KCNC2: variants seen among roughly 807,000 people sequenced by gnomAD.
The protein encoded by KCNC2 is potassium voltage-gated channel subfamily C member 2.
A neutral mutation model predicts 44.5 loss-of-function variants in KCNC2; 21 were observed. That is an observed-to-expected ratio of 0.47 (90% CI 0.33 to 0.68). The LOEUF (loss-of-function observed/expected upper bound fraction) is 0.68. KCNC2 is among the 30% of genes least tolerant of loss of function. The pLI, the probability that KCNC2 is intolerant of heterozygous loss-of-function variation, is 0.01. For missense variants in KCNC2, 589 were observed against 826.2 expected (o/e 0.71, Z 3.52); for synonymous variants, 391 against 339.1 (o/e 1.15, Z -1.68).
intron 2 of KCNC2, among the ~76,000 whole-genome samples, chr12:75,192,945 G>C (rs1266015310): frequency 3.3e-5 from 5 of 152,070 alleles, no homozygotes; most frequent in Non-Finnish European, 5.9e-5. Flanking sequence ...TGTGAGGTGA[G>C]AAATTTATTC....
At chr12:75,160,781 A>G (rs1308465091) in intron 2 of KCNC2, among the ~76,000 whole-genome samples, 1 of 151,862 alleles carries the variant, frequency 6.6e-6, no homozygotes, top group Admixed American at 6.6e-5. Flanking sequence ...TAAGAGGAAT[A>G]CAAGTATTTA....
At chr12:75,061,611 AC>A (rs1269793949) in intron 2 of KCNC2, among the ~76,000 whole-genome samples, 1 of 125,652 alleles carries the variant, frequency 8.0e-6, no homozygotes, top group East Asian at 2.4e-4. Flanking sequence ...ACACACACAC[AC>A]AAAACACAGA....
At chr12:75,106,488 G>T (rs969898901) in intron 2 of KCNC2, among the ~76,000 whole-genome samples, 1 of 152,154 alleles carries the variant, frequency 6.6e-6, no homozygotes, top group African/African-American at 2.4e-5. Context: ...CTAAGGAAAT[G>T]AGATGAATAG....
intron 2 of KCNC2, among the ~76,000 whole-genome samples, chr12:75,195,089 T>G (rs1345647544): frequency 6.6e-6 from 1 of 152,170 alleles, no homozygotes; most frequent in East Asian, 1.9e-4. Flanking sequence ...AGCTTTGGAA[T>G]CCACATGGAT....
At chr12:75,069,230 G>A (rs1263141553) in intron 2 of KCNC2, among the ~76,000 whole-genome samples, 1 of 129,554 alleles carries the variant, frequency 7.7e-6, no homozygotes, top group Non-Finnish European at 1.6e-5. Context: ...CACCTCCAAG[G>A]TTCAAGCGAT....
At chr12:75,109,740 C>T (rs1046249277) in intron 2 of KCNC2, among the ~76,000 whole-genome samples, 29 of 151,936 alleles carry the variant, frequency 1.9e-4, no homozygotes, top group African/African-American at 6.5e-4. Flanking sequence ...AAAAAGGCCA[C>T]GGAACCCAGA....
At chr12:75,115,583 T>C (rs1217571784) in intron 2 of KCNC2, among the ~76,000 whole-genome samples, 2 of 152,240 alleles carry the variant, frequency 1.3e-5, no homozygotes, top group African/African-American at 4.8e-5. Context: ...CCAGGAATTC[T>C]GTTCATCTTC....
At chr12:75,183,086 T>C (rs17803126) in intron 2 of KCNC2, among the ~76,000 whole-genome samples, 11,941 of 152,308 alleles carry the variant, frequency 0.078, 538 homozygotes, top group Admixed American at 0.14. Context: ...TAGTAGTTCA[T>C]GGCTGAGAAG....
At chr12:75,054,679 G>C (rs1477228863) in intron 2 of KCNC2, among the ~76,000 whole-genome samples, 1 of 152,116 alleles carries the variant, frequency 6.6e-6, no homozygotes, top group African/African-American at 2.4e-5. Context: ...ATATGTTATA[G>C]GTATAAGAAA....
At chr12:75,191,706 G>C (rs1328026570) in intron 2 of KCNC2, among the ~76,000 whole-genome samples, 9 of 150,406 alleles carry the variant, frequency 6.0e-5, no homozygotes, top group Non-Finnish European at 1.0e-4. Flanking sequence ...GCCCGGCACC[G>C]CGCCCGGCTA....
At chr12:75,123,894 T>C (rs914815509) in intron 2 of KCNC2, 1 of 152,182 alleles carries the variant, frequency 6.6e-6, no homozygotes, top group African/African-American at 2.4e-5. Flanking sequence ...ATACCACTTT[T>C]GCAACACAGT....
chr12:75,093,239 A>G (rs1885639952), intron 2 of KCNC2, among the ~76,000 whole-genome samples: 1 of 151,638 alleles, frequency 6.6e-6, no homozygotes, highest in Non-Finnish European at 1.5e-5. Flanking sequence ...AAATTTAGGA[A>G]CATCTTTTAG....
At chr12:75,104,844 C>T (rs916097579) in intron 2 of KCNC2, among the ~76,000 whole-genome samples, 20 of 152,102 alleles carry the variant, frequency 1.3e-4, no homozygotes, top group African/African-American at 4.8e-4. Flanking sequence ...TGGCTCCAGA[C>T]TCAGGAATAT....
intron 2 of KCNC2, among the ~76,000 whole-genome samples, chr12:75,180,425 T>C (rs1317279125): frequency 6.6e-5 from 10 of 151,964 alleles, no homozygotes; most frequent in Admixed American, 5.2e-4. Flanking sequence ...ACAAATGAAT[T>C]TGATATGCAC....
intron 2 of KCNC2, among the ~76,000 whole-genome samples, chr12:75,094,338 C>T (rs892596493): frequency 1.8e-4 from 27 of 151,706 alleles, no homozygotes; most frequent in Middle Eastern, 3.4e-3. Flanking sequence ...ACCAAGATAA[C>T]ACATAGTGGA....
intron 2 of KCNC2, among the ~76,000 whole-genome samples, chr12:75,170,249 T>C (rs74110444): frequency 0.021 from 3,209 of 151,774 alleles, 102 homozygotes; most frequent in African/African-American, 0.072. Flanking sequence ...TCCTTTAAGA[T>C]AGCAAAATGG....
At chr12:75,044,163 G>A (rs1282541741) in intron 4 of KCNC2, among the ~76,000 whole-genome samples, 2 of 151,930 alleles carry the variant, frequency 1.3e-5, no homozygotes, top group African/African-American at 2.4e-5. Context: ...ACAGTTAAAC[G>A]AGGTGGAAAG....
rs547969309 is a variant in KCNC2, at chr12:75,070,265, C to A, written c.688-18948G>T. On this transcript the variant is annotated intron_variant, in intron 2 of 4. Coordinates refer to ENST00000549446, the MANE Select transcript of KCNC2 (RefSeq NM_139137.4). ...AGGAGTTCAAGACCAGTCTGGCCAA[C>A]ATGGTGAAACCCCATCTCTACTAAA... Among the ~76,000 whole-genome samples, 6 of 152,118 alleles carry A rather than the reference C, an allele frequency of 3.9e-5. No individual in the cohort carries two copies. In the South Asian group the frequency reaches 6.2e-4, roughly 16 times the overall value.
rs536368451 is a variant in KCNC2 at position 75,043,790 on chromosome 12, G to A, written c.1781-549C>T. On this transcript the variant is annotated intron_variant, in intron 4 of 4. Coordinates refer to ENST00000549446, the MANE Select transcript of KCNC2 (RefSeq NM_139137.4). ...TTGGTGCCATTATCCAGGTGATGTA[G>A]GATGGAATGCCCATTTCTAATTCCT... 137 of 1,505,032 alleles carry A rather than the reference G, an allele frequency of 9.1e-5. 2 individuals are homozygous for A. In the South Asian group the frequency reaches 1.6e-3, roughly 18 times the overall value. The allele number at this position is 1,505,032 out of a possible 1,614,324, so 93.2% of individuals were successfully genotyped here.
Sources: allele counts gnomAD v4.1 joint callset (sites outside exome capture counted in the v4.1 genomes callset), GRCh38; gene constraint gnomAD v4.1.1; transcripts MANE v1.5; gene names NCBI Gene and HGNC (gene_info 2026-07-23, HGNC 2026-07-21).